UNKL: variants seen among roughly 807,000 people sequenced by gnomAD.
The protein encoded by UNKL is unk like zinc finger.
In UNKL, 60 loss-of-function variants were observed where a neutral mutation model predicts 78.0. The ratio of observed to expected loss-of-function variants is 0.77; its 90% CI spans 0.63 to 0.95. UNKL has a LOEUF of 0.95. Among genes scored for constraint, UNKL ranks in the 40% least tolerant of loss-of-function variants. The pLI is 0.00. For synonymous variants in UNKL, 608 were observed against 474.8 expected, an observed-to-expected ratio of 1.28 and a Z score of -3.65; for missense variants, 1,159 against 1,045.7, an observed-to-expected ratio of 1.11 and a Z score of -1.49.
chr16:1,404,777 G>A (rs1246692594), intron 2 of UNKL, among the ~76,000 whole-genome samples: 6 of 152,108 alleles, frequency 3.9e-5, no homozygotes, highest in Non-Finnish European at 2.9e-5. Flanking sequence ...TGGTTAATGC[G>A]GGCTTCCATC....
chr16:1,393,034 C>T, intron 7 of UNKL, 58 bp from the exon 8 acceptor site: 3 of 1,511,018 alleles, frequency 2.0e-6, no homozygotes, highest in South Asian at 1.2e-5. Context: ...CAGTGACACG[C>T]AGAAGTCTCC....
Position 1,367,179 on chromosome 16 carries a change from C to T in UNKL, c.1959G>A (p.Arg653=). Residue 653 remains arginine (R), a synonymous_variant, in exon 14 of 15, where the codon CGG becomes CGA. Transcript: ENST00000389221. ...LGVASTLPGL[R]GCGDIGTIPL... ...GAATGGTGCCGATGTCCCCACAGCCCCGCAGCCCCGGCAGTGTGGAGGCTA... is the reference window on the plus strand; with the variant it reads ...GAATGGTGCCGATGTCCCCACAGCCTCGCAGCCCCGGCAGTGTGGAGGCTA... 6.2e-7 allele frequency: 1 copy of T among 1,606,046 alleles called. No individual in the cohort carries two copies. The highest frequency in any genetic ancestry group is 8.5e-7 in the Non-Finnish European group (1 of 1,178,200).
intron 10 of UNKL, among the ~76,000 whole-genome samples, chr16:1,383,011 G>C (rs2036660548): frequency 6.7e-6 from 1 of 150,356 alleles, no homozygotes. Context: ...TGCAACCCCA[G>C]CACTTTGGGA....
At chr16:1,375,715 G>C (rs1001918516) in intron 10 of UNKL, among the ~76,000 whole-genome samples, 1 of 152,198 alleles carries the variant, frequency 6.6e-6, no homozygotes, top group African/African-American at 2.4e-5. Flanking sequence ...ACCCACAGTA[G>C]CATCCGAAAA....
chr16:1,369,713 GCTCA>G (rs1313806222), intron 12 of UNKL, among the ~76,000 whole-genome samples: 14 of 152,324 alleles, frequency 9.2e-5, no homozygotes, highest in African/African-American at 2.6e-4. Context: ...GGGCACGGTG[GCTCA>G]CTGTCATCCC....
intron 5 of UNKL, among the ~76,000 whole-genome samples, 159 bp from the exon 6 acceptor site, chr16:1,397,454 G>A (rs1367229868): frequency 9.3e-6 from 1 of 107,544 alleles, no homozygotes; most frequent in Non-Finnish European, 1.9e-5. Context: ...GCTTCACGCT[G>A]GGGCAGGGCG....
chr16:1,410,864 G>A (rs906860477), intron 2 of UNKL, among the ~76,000 whole-genome samples: 2 of 152,138 alleles, frequency 1.3e-5, no homozygotes, highest in African/African-American at 4.8e-5. Context: ...TTTCAGAACC[G>A]CCTTGAAGTA....
intron 10 of UNKL, among the ~76,000 whole-genome samples, chr16:1,378,271 C>CA (rs1423339191): frequency 6.6e-6 from 1 of 152,222 alleles, no homozygotes. Context: ...CTCATGCTCC[C>CA]ATACGGGGGC....
At chr16:1,393,736 T>A (rs2037145364) in intron 7 of UNKL, among the ~76,000 whole-genome samples, 1 of 152,106 alleles carries the variant, frequency 6.6e-6, no homozygotes, top group African/African-American at 2.4e-5. Context: ...CCTGGGTGGG[T>A]GCCTGGCAAG....
chr16:1,385,778 C>G (rs2036789837), intron 9 of UNKL, among the ~76,000 whole-genome samples: 1 of 152,226 alleles, frequency 6.6e-6, no homozygotes, highest in Non-Finnish European at 1.5e-5. Context: ...CTCCTGGGTG[C>G]CCCCGCCCCG....
chr16:1,369,942 T>C (rs2035653813), intron 12 of UNKL, 188 bp downstream of exon 12: 6 of 1,548,404 alleles, frequency 3.9e-6, no homozygotes, highest in Non-Finnish European at 5.2e-6. Flanking sequence ...ACCATTGCAG[T>C]CCAACCTGGG....
Position 1,392,912 on chromosome 16 carries a change from C to T in UNKL, c.1002G>A (p.Thr334=), listed in dbSNP as rs1362369269. The T allele has an allele frequency of 8.4e-6, 13 of 1,550,590 alleles. No homozygotes were observed. In the South Asian group the frequency reaches 9.5e-5, roughly 11 times the overall value. The change falls in exon 8 of 15, where the codon ACG becomes ACA. Residue 334 remains threonine (T), a synonymous_variant. Transcript: ENST00000389221. ...TTACATTTCCCGGCTGGCCGCTGCC[C>T]GTGGAGGAAGGACTCGTGAGGTGGA... ...HDLHLTSPSS[T]GSGQPGNAKR... is the part of the protein sequence containing the mutation.
Position 1,367,677 on chromosome 16 carries a change from C to T in UNKL, c.1767G>A (p.Glu589=). 1 of 1,576,740 alleles carries T rather than the reference C, an allele frequency of 6.3e-7. No homozygotes were observed. The highest frequency in any genetic ancestry group is 8.6e-7 in the Non-Finnish European group (1 of 1,162,442). The change falls in exon 13 of 15, where the codon GAG becomes GAA. Residue 589 remains glutamate (E), a synonymous_variant. Transcript: ENST00000389221. ...TCACCTGCTTCACCTGCTGCCAGGA[C>T]TCCTCCCACTGCCGGATCTTCCTCT... ...EAKRKIRQWE[E]SWQQVKQVCD...
chr16:1,413,171 G>A (rs2038118113), intron 2 of UNKL, among the ~76,000 whole-genome samples: 1 of 146,050 alleles, frequency 6.8e-6, no homozygotes, highest in African/African-American at 2.5e-5. Flanking sequence ...CTTGAGCCTA[G>A]GAGTTGGTGG....
intron 7 of UNKL, among the ~76,000 whole-genome samples, chr16:1,393,806 C>T (rs1050667933): frequency 2.6e-5 from 4 of 152,326 alleles, no homozygotes; most frequent in African/African-American, 9.6e-5. Context: ...CTTGGATGCC[C>T]AGGAGGCAGG....
rs1360909009 is a variant in UNKL, at chr16:1,401,789, A to C, written c.465-88T>G. The C allele has an allele frequency of 2.7e-6, 4 of 1,495,136 alleles. No individual in the cohort carries two copies. In the East Asian group the frequency reaches 9.3e-5, roughly 35 times the overall value. 92.6% of individuals were successfully genotyped at this position (1,495,136 alleles called of 1,614,324 possible). On this transcript the variant is annotated intron_variant, in intron 3 of 14. Coordinates refer to ENST00000389221, the MANE Select transcript of UNKL (RefSeq NM_001372107.1). ...TCACTGGAGGGCACGCTCCCCTCCC[A>C]CCACTGCACAGAGAGGCTGCTGCCG...
Position 1,363,241 on chromosome 16 carries a change from A to AAAAT in UNKL, c.*2995_*2998dup. 1.4e-6 allele frequency: 1 copy of AAAAT among 706,534 alleles called. No individual in the cohort carries two copies. The highest frequency in any genetic ancestry group is 2.5e-6 in the Non-Finnish European group (1 of 400,640). The allele number at this position is 706,534 out of a possible 1,614,324, so 43.8% of individuals were successfully genotyped here. On this transcript the variant is annotated 3_prime_UTR_variant, in exon 15 of 15. Transcript: ENST00000389221. ...GTTTTAATTAATTCCCATACTGATA[A>AAAAT]AAATAACTCCATGAATTCTGTAAAC... is the stretch of plus-strand genomic sequence containing the variant.
chr16:1,388,167 G>A (rs1299048040), intron 9 of UNKL, among the ~76,000 whole-genome samples: 1 of 152,150 alleles, frequency 6.6e-6, no homozygotes, highest in East Asian at 1.9e-4. Context: ...GGCCTGCCCC[G>A]CCCTGGGTCG....
chr16:1,382,695 C>T (rs1156560512), intron 10 of UNKL, among the ~76,000 whole-genome samples: 2 of 152,216 alleles, frequency 1.3e-5, no homozygotes, highest in Non-Finnish European at 2.9e-5. Context: ...CAATGGTTCA[C>T]ACCTGTAATC....
Sources: gnomAD v4.1 joint callset for allele counts (sites outside exome capture counted in the v4.1 genomes callset) on GRCh38, gnomAD v4.1.1 for gene constraint, MANE v1.5 for transcripts, NCBI Gene and HGNC (gene_info 2026-07-23, HGNC 2026-07-21) for gene names.